SLC23A1: variants seen among roughly 807,000 people sequenced by gnomAD.
The protein encoded by SLC23A1 is Na(+)/L-ascorbic acid transporter 1.
SLC23A1 carries 31 observed loss-of-function variants against 62.5 expected under a neutral mutation model. The ratio of observed to expected loss-of-function variants is 0.50; its 90% CI spans 0.37 to 0.67. SLC23A1 has a LOEUF of 0.67. Among genes scored for constraint, SLC23A1 ranks in the 30% least tolerant of loss-of-function variants. The probability of loss-of-function intolerance (pLI) is 0.00; values close to 1 mark genes in which losing one functional copy is unlikely to be tolerated. For missense variants in SLC23A1, 640 were observed against 782.7 expected (o/e 0.82, Z 2.18); for synonymous variants, 271 against 313.2 (o/e 0.87, Z 1.42).
At chr5:139,384,416 T>C (rs1295997555), upstream of SLC23A1, 3 of 1,289,778 alleles carry the variant, frequency 2.3e-6, no homozygotes, top group South Asian at 1.2e-5. Flanking sequence ...GCAGCACCGC[T>C]CTCCAGCTGG....
At chr5:139,368,528 CAAAA>C (rs920446336) in intron 14 of SLC23A1, among the ~76,000 whole-genome samples, 13 of 151,574 alleles carry the variant, frequency 8.6e-5, no homozygotes, top group African/African-American at 3.2e-4. Flanking sequence ...GACTCCGTCA[CAAAA>C]AAAGAAAAGA....
chr5:139,380,534 C>G, intron 5 of SLC23A1, 31 bp downstream of exon 5: 1 of 1,610,520 alleles, frequency 6.2e-7, no homozygotes, highest in East Asian at 2.2e-5. Flanking sequence ...CCTCAGGACC[C>G]GGCCTCTTCT....
chr5:139,378,774 C>T lies in SLC23A1; in HGVS notation c.1074-90G>A. The T allele has an allele frequency of 1.0e-6, 1 of 959,754 alleles. No individual in the cohort carries two copies. The highest frequency in any genetic ancestry group is 1.6e-6 in the Non-Finnish European group (1 of 611,880). 59.5% of individuals were successfully genotyped at this position (959,754 alleles called of 1,614,324 possible). On this transcript the variant is annotated intron_variant, in intron 9 of 14. Transcript: ENST00000348729. This position sits in a 1 kb window ranked among gnomAD's most constrained non-coding sequence, Gnocchi z 4.5. The stretch of plus-strand genomic sequence containing the variant: ...CTTAGCAAGCTGCCGTCCTCTGGGG[C>T]TGTGGGGGCTGCAGCTATCAGCTGT...
intron 14 of SLC23A1, 145 bp downstream of exon 14, chr5:139,371,842 G>A: frequency 1.4e-6 from 1 of 699,780 alleles, no homozygotes; most frequent in Admixed American, 2.4e-5. Flanking sequence ...TCCGTATGTT[G>A]ACTTTTTACC....
Position 139,380,683 on chromosome 5 carries a change from G to A in SLC23A1, c.398-51C>T, listed in dbSNP as rs765097605. The A allele has an allele frequency of 3.9e-6, 6 of 1,527,664 alleles. No homozygotes were observed. The Admixed American group carries it at 1.0e-4, about 26-fold the overall frequency. 94.6% of individuals were successfully genotyped at this position (1,527,664 alleles called of 1,614,324 possible). A position where few individuals can be genotyped will look rare whatever the true frequency, so the allele number is the denominator to read the frequency against. ...CACGGACCAGGTACAGAGACAGAGA[G>A]GGAGAGAAGATGCTGCCATGGCTGC... On this transcript the variant is annotated intron_variant, in intron 4 of 14. Coordinates refer to ENST00000348729, the MANE Select transcript of SLC23A1 (RefSeq NM_005847.5).
chr5:139,379,471 G>A lies in SLC23A1; in HGVS notation c.926-117C>T. 8.9e-7 allele frequency: 1 copy of A among 1,122,102 alleles called. No homozygotes were observed. Among genetic ancestry groups the A allele is most frequent in the Non-Finnish European group, 1.3e-6 (1 of 752,260 alleles). The allele number at this position is 1,122,102 out of a possible 1,614,324, so 69.5% of individuals were successfully genotyped here. A position where few individuals can be genotyped will look rare whatever the true frequency, so the allele number is the denominator to read the frequency against. On this transcript the variant is annotated intron_variant, in intron 8 of 14. Coordinates refer to ENST00000348729, the MANE Select transcript of SLC23A1 (RefSeq NM_005847.5). The surrounding 1 kb of genome is among the most constrained non-coding windows in gnomAD (Gnocchi z 4.7). Reference sequence around the variant, plus strand: ...ATCAGGAGACCTCAGGCTGGGATGGGAGCTATACAGTTGTGGGAGCTTATT... The same window carrying A: ...ATCAGGAGACCTCAGGCTGGGATGGAAGCTATACAGTTGTGGGAGCTTATT...
chr5:139,378,274 G>C lies in SLC23A1; in HGVS notation c.1257C>G (p.Leu419=), dbSNP rs1561976941. The change falls in exon 11 of 15, where the codon CTC becomes CTG. Residue 419 remains leucine, a synonymous_variant. Coordinates refer to ENST00000348729, the MANE Select transcript of SLC23A1 (RefSeq NM_005847.5). This position sits in a 1 kb window ranked among gnomAD's most constrained non-coding sequence, Gnocchi z 4.5. ...GGATGGGGTCAGGGAGCGAGGCGAA[G>C]AGGGCCGTGAACTTGCCGATGGTGC... ...VLGTIGKFTA[L]FASLPDPILG... 6.2e-7 allele frequency: 1 copy of C among 1,606,564 alleles called. No individual in the cohort carries two copies. The highest frequency in any genetic ancestry group is 1.7e-5 in the Admixed American group (1 of 58,972).
upstream of SLC23A1, among the ~76,000 whole-genome samples, chr5:139,383,661 T>TATC (rs1160805308): frequency 6.6e-6 from 1 of 152,210 alleles, no homozygotes; most frequent in Non-Finnish European, 1.5e-5. Flanking sequence ...AGTTCATCAT[T>TATC]ATCATCATCA....
chr5:139,372,648 G>A (rs1012748049), intron 13 of SLC23A1, among the ~76,000 whole-genome samples: 7 of 152,008 alleles, frequency 4.6e-5, no homozygotes, highest in Admixed American at 3.9e-4. Context: ...GCACTGGCAC[G>A]ATCTCGGCTC....
At chr5:139,372,677 C>T (rs982169653) in intron 13 of SLC23A1, among the ~76,000 whole-genome samples, 12 of 152,222 alleles carry the variant, frequency 7.9e-5, no homozygotes, top group East Asian at 1.9e-4. Context: ...CTCCTCCTCC[C>T]GGGTTTAAGC....
Position 139,378,168 on chromosome 5 carries a change from T to G in SLC23A1, c.1310-50A>C, listed in dbSNP as rs780999195. The G allele has an allele frequency of 1.2e-5, 20 of 1,613,228 alleles. No homozygotes were observed. Among genetic ancestry groups the G allele is most frequent in the Non-Finnish European group, 1.7e-5 (20 of 1,179,710 alleles). ...AGGCGCCGCACACGCGTAATCCAGG[T>G]GAGTCCCACTCGGCGACCCGCACCG... On this transcript the variant is annotated intron_variant, in intron 11 of 14. Transcript: ENST00000348729. This position sits in a 1 kb window ranked among gnomAD's most constrained non-coding sequence, Gnocchi z 4.5.
chr5:139,378,186 C>T lies in SLC23A1; in HGVS notation c.1309+36G>A, dbSNP rs1758040617. On this transcript the variant is annotated intron_variant, in intron 11 of 14. Transcript: ENST00000348729. This position sits in a 1 kb window ranked among gnomAD's most constrained non-coding sequence, Gnocchi z 4.5. ...ATCCAGGTGAGTCCCACTCGGCGACCCGCACCGCGACCCGTGGCCCGCGCC... is the reference window on the plus strand; with the variant it reads ...ATCCAGGTGAGTCCCACTCGGCGACTCGCACCGCGACCCGTGGCCCGCGCC... 2.5e-6 allele frequency: 4 copies of T among 1,612,770 alleles called. No homozygotes were observed. The South Asian group carries it at 4.4e-5, about 18-fold the overall frequency.
rs765515244 is a variant in SLC23A1 at position 139,378,210 on chromosome 5, CCAGA to C, written c.1309+8_1309+11del. ...CCCGCACCGCGACCCGTGGCCCGCG[CCAGA>C]CACTCACCAAAGAGAGTGCAGAACA... On this transcript the variant is annotated splice_region_variant and intron_variant, in intron 11 of 14. Coordinates refer to ENST00000348729, the MANE Select transcript of SLC23A1 (RefSeq NM_005847.5). This position sits in a 1 kb window ranked among gnomAD's most constrained non-coding sequence, Gnocchi z 4.5. 15 of 1,613,128 alleles carry C rather than the reference CCAGA, an allele frequency of 9.3e-6. No individual in the cohort carries two copies. Among genetic ancestry groups the C allele is most frequent in the Non-Finnish European group, 1.2e-5 (14 of 1,179,640 alleles).
chr5:139,372,274 C>A (rs773097102), intron 13 of SLC23A1, 21 bp from the exon 14 acceptor site: 61 of 1,602,910 alleles, frequency 3.8e-5, no homozygotes, highest in Non-Finnish European at 4.9e-5. Flanking sequence ...ATAGTGAGGT[C>A]ATTTACCAAG....
chr5:139,373,943 C>G (rs1455569212), intron 13 of SLC23A1, among the ~76,000 whole-genome samples: 1 of 152,228 alleles, frequency 6.6e-6, no homozygotes, highest in African/African-American at 2.4e-5. Context: ...GCAGACCAGT[C>G]AGCCTGCCCA....
In SLC23A1 at chr5:139,378,757, G is replaced by C; in HGVS notation, c.1074-73C>G. ...CTGTGTTCCCCCATCATCTTAGCAA[G>C]CTGCCGTCCTCTGGGGCTGTGGGGG... On this transcript the variant is annotated intron_variant, in intron 9 of 14. Transcript: ENST00000348729. The surrounding 1 kb of genome is among the most constrained non-coding windows in gnomAD (Gnocchi z 4.5). 2 of 1,162,866 alleles carry C rather than the reference G, an allele frequency of 1.7e-6. No individual in the cohort carries two copies. Among genetic ancestry groups the C allele is most frequent in the Non-Finnish European group, 2.5e-6 (2 of 792,832 alleles). The allele number at this position is 1,162,866 out of a possible 1,614,324, so 72.0% of individuals were successfully genotyped here.
intron 13 of SLC23A1, among the ~76,000 whole-genome samples, chr5:139,373,869 T>C (rs1291186312): frequency 1.3e-5 from 2 of 152,202 alleles, no homozygotes; most frequent in African/African-American, 2.4e-5. Context: ...ACTATGTTTC[T>C]GGTGTCCGAT....
chr5:139,381,376 A>G (rs2152072259), intron 3 of SLC23A1, among the ~76,000 whole-genome samples: 1 of 152,308 alleles, frequency 6.6e-6, no homozygotes, highest in African/African-American at 2.4e-5. Context: ...AGAGCCGGCT[A>G]GGCTTGGTGG....
intron 13 of SLC23A1, among the ~76,000 whole-genome samples, chr5:139,376,398 G>T (rs1194024852): frequency 1.3e-5 from 2 of 152,088 alleles, no homozygotes; most frequent in Non-Finnish European, 2.9e-5. Context: ...TCAAACTCCT[G>T]ACCTCGTGAT....
Sources: allele counts gnomAD v4.1 joint callset (sites outside exome capture counted in the v4.1 genomes callset), GRCh38; gene constraint gnomAD v4.1.1; non-coding constraint Gnocchi (gnomAD v3.1); transcripts MANE v1.5; gene names NCBI Gene and HGNC (gene_info 2026-07-23, HGNC 2026-07-21).